DLG2: variants seen among roughly 807,000 people sequenced by gnomAD.
DLG2 encodes disks large homolog 2.
In DLG2, 45 loss-of-function variants were observed where a neutral mutation model predicts 132.5. That is an observed-to-expected ratio of 0.34 (90% CI 0.27 to 0.44). DLG2 has a LOEUF of 0.44. Among genes scored for constraint, DLG2 ranks in the 20% least tolerant of loss-of-function variants. The probability of loss-of-function intolerance (pLI) is 1.00; values close to 1 mark genes in which losing one functional copy is unlikely to be tolerated. For synonymous variants in DLG2, 424 were observed against 419.6 expected, an observed-to-expected ratio of 1.01 and a Z score of -0.13; for missense variants, 1,045 against 1,196.9, an observed-to-expected ratio of 0.87 and a Z score of 1.87.
chr11:84,647,179 A>T (rs1019787777), intron 6 of DLG2, among the ~76,000 whole-genome samples: 2 of 152,168 alleles, frequency 1.3e-5, no homozygotes, highest in Non-Finnish European at 2.9e-5. Flanking sequence ...GAAAAACTTC[A>T]TATAGGAGGT....
At chr11:85,530,332 T>A (rs909916400) in intron 3 of DLG2, among the ~76,000 whole-genome samples, 8 of 149,490 alleles carry the variant, frequency 5.4e-5, no homozygotes, top group East Asian at 2.0e-4. Context: ...TATTTATTTT[T>A]TTTTTTGAGA....
intron 23 of DLG2, 86 bp downstream of exon 23, chr11:83,472,638 TCTC>T: frequency 8.7e-7 from 1 of 1,148,380 alleles, no homozygotes; most frequent in Admixed American, 2.1e-5. Context: ...CCGAGTTTAT[TCTC>T]CTTAGTCCTT....
intron 18 of DLG2, among the ~76,000 whole-genome samples, chr11:83,731,519 T>A (rs2091007022): frequency 6.6e-6 from 1 of 152,258 alleles, no homozygotes; most frequent in Non-Finnish European, 1.5e-5. Flanking sequence ...GTACCACATT[T>A]CTTTATCCAG....
At chr11:84,141,345 T>A (rs1004104830) in intron 9 of DLG2, among the ~76,000 whole-genome samples, 8 of 151,768 alleles carry the variant, frequency 5.3e-5, no homozygotes, top group Admixed American at 3.3e-4. Context: ...TGAAACAACA[T>A]ACTTATTAAA....
intron 4 of DLG2, among the ~76,000 whole-genome samples, chr11:85,173,419 A>C (rs2079011804): frequency 6.6e-6 from 1 of 152,188 alleles, no homozygotes; most frequent in Non-Finnish European, 1.5e-5. Flanking sequence ...AGACAAGCAA[A>C]TGCTGATGTA....
At chr11:84,939,685 T>C (rs917039139) in intron 6 of DLG2, among the ~76,000 whole-genome samples, 2 of 152,224 alleles carry the variant, frequency 1.3e-5, no homozygotes, top group African/African-American at 4.8e-5. Context: ...TTTGTCTCTC[T>C]GTGCTTGGCT....
Position 85,416,631 on chromosome 11 carries a change from G to C in DLG2, c.41-131266C>G, listed in dbSNP as rs190799960. Among the ~76,000 whole-genome samples the C allele has an allele frequency of 4.1e-3, 628 of 152,196 alleles. 3 individuals carry two copies. Among genetic ancestry groups the C allele is most frequent in the Non-Finnish European group, 6.6e-3 (447 of 67,996 alleles). ...CTGTCATTTCCTTGAGCAGTGGTTT[G>C]TAGTTCTCCTTGAAGAGGTCCTTCC... is the stretch of plus-strand genomic sequence containing the variant. On this transcript the variant is annotated intron_variant, in intron 3 of 27. Coordinates refer to ENST00000376104, the MANE Select transcript of DLG2 (RefSeq NM_001142699.3).
chr11:83,866,867 T>C (rs1236344088), intron 16 of DLG2, among the ~76,000 whole-genome samples: 2 of 152,166 alleles, frequency 1.3e-5, no homozygotes, highest in African/African-American at 2.4e-5. Context: ...ACAGGGCAGC[T>C]CAATAATTCT....
chr11:85,101,558 C>G (rs556297103), intron 6 of DLG2, among the ~76,000 whole-genome samples: 1 of 152,044 alleles, frequency 6.6e-6, no homozygotes, highest in African/African-American at 2.4e-5. Context: ...AATAAGTACT[C>G]TATTCTTCCA....
intron 6 of DLG2, among the ~76,000 whole-genome samples, chr11:84,732,034 C>T (rs900973377): frequency 3.0e-4 from 46 of 152,052 alleles, no homozygotes; most frequent in African/African-American, 9.4e-4. Flanking sequence ...TGAAATCATA[C>T]AATATGTGTT....
At chr11:84,784,344 A>AT (rs1565952947) in intron 6 of DLG2, among the ~76,000 whole-genome samples, 13 of 147,794 alleles carry the variant, frequency 8.8e-5, no homozygotes, top group Non-Finnish European at 1.3e-4. Flanking sequence ...AAATAAATAA[A>AT]TAAATAAATA....
chr11:85,397,163 A>G (rs1208590632), intron 3 of DLG2, among the ~76,000 whole-genome samples: 2 of 152,222 alleles, frequency 1.3e-5, no homozygotes, highest in Non-Finnish European at 2.9e-5. Context: ...CCAGAATTTC[A>G]TATCCAGCCA....
intron 6 of DLG2, among the ~76,000 whole-genome samples, chr11:84,921,120 G>A (rs1006787544): frequency 2.0e-5 from 3 of 151,966 alleles, no homozygotes; most frequent in Non-Finnish European, 4.4e-5. Context: ...AGTCAAAATA[G>A]ATAAAAATAT....
chr11:84,883,165 T>C lies in DLG2; in HGVS notation c.357+228496A>G, dbSNP rs569167047. Among the ~76,000 whole-genome samples, 7 of 152,196 alleles carry C rather than the reference T, an allele frequency of 4.6e-5. No individual in the cohort carries two copies. In the South Asian group the frequency reaches 1.5e-3, roughly 32 times the overall value. On this transcript the variant is annotated intron_variant, in intron 6 of 27. Coordinates refer to ENST00000376104, the MANE Select transcript of DLG2 (RefSeq NM_001142699.3). ...TGAGTTCATGTCCTTTGCAGGGACATGGATGAAGCTGGAAACCATCATTCT... is the reference window on the plus strand; with the variant it reads ...TGAGTTCATGTCCTTTGCAGGGACACGGATGAAGCTGGAAACCATCATTCT...
intron 6 of DLG2, among the ~76,000 whole-genome samples, chr11:85,040,047 T>C (rs1217721632): frequency 6.6e-6 from 1 of 151,890 alleles, no homozygotes; most frequent in Non-Finnish European, 1.5e-5. Flanking sequence ...AATCGTGCTA[T>C]AGATCCCAAA....
chr11:84,110,416 T>C (rs867887856), intron 9 of DLG2, among the ~76,000 whole-genome samples: 2 of 152,322 alleles, frequency 1.3e-5, no homozygotes, highest in African/African-American at 2.4e-5. Flanking sequence ...TAGAAAATTA[T>C]TGAATTTATA....
chr11:83,977,880 A>C (rs2092415971), intron 12 of DLG2, among the ~76,000 whole-genome samples: 1 of 152,090 alleles, frequency 6.6e-6, no homozygotes, highest in East Asian at 1.9e-4. Flanking sequence ...CTAGTGCACT[A>C]TGAGTTACTA....
At chr11:83,733,559 G>A (rs188982667) in intron 18 of DLG2, among the ~76,000 whole-genome samples, 2 of 152,290 alleles carry the variant, frequency 1.3e-5, no homozygotes, top group African/African-American at 4.8e-5. Context: ...GGAGCCACAG[G>A]AAGAAATGCT....
chr11:83,903,754 T>C (rs1387538014), intron 15 of DLG2, among the ~76,000 whole-genome samples: 1 of 152,124 alleles, frequency 6.6e-6, no homozygotes, highest in African/African-American at 2.4e-5. Context: ...TTTCCAGAAA[T>C]TAGAAGCAAA....
Sources: allele counts gnomAD v4.1 joint callset (sites outside exome capture counted in the v4.1 genomes callset), GRCh38; gene constraint gnomAD v4.1.1; transcripts MANE v1.5; gene names NCBI Gene and HGNC (gene_info 2026-07-23, HGNC 2026-07-21).